CCDC178: variants seen among roughly 807,000 people sequenced by gnomAD.
CCDC178 encodes coiled-coil domain-containing protein 178.
CCDC178 carries 126 observed loss-of-function variants against 117.4 expected under a neutral mutation model. The observed-to-expected ratio is 1.07, with a 90% CI of 0.93 to 1.24. CCDC178 has a LOEUF of 1.24. CCDC178 is among the 50% of genes most tolerant of loss of function. The pLI is 0.00. For missense variants in CCDC178, 1,030 were observed against 986.9 expected, an observed-to-expected ratio of 1.04 and a Z score of -0.59; for synonymous variants, 283 against 313.4, an observed-to-expected ratio of 0.90 and a Z score of 1.02.
At chr18:33,404,236 C>T (rs556481156) in intron 3 of CCDC178, among the ~76,000 whole-genome samples, 1 of 152,130 alleles carries the variant, frequency 6.6e-6, no homozygotes, top group African/African-American at 2.4e-5. Context: ...TCAACTTTAA[C>T]AAATACACAA....
chr18:33,053,596 C>T (rs1031235410), intron 21 of CCDC178, among the ~76,000 whole-genome samples: 41 of 152,216 alleles, frequency 2.7e-4, no homozygotes, highest in African/African-American at 9.4e-4. Flanking sequence ...ATTCAAACAA[C>T]ATTTACTGAT....
At chr18:33,034,268 T>C (rs1179863878) in intron 21 of CCDC178, among the ~76,000 whole-genome samples, 3 of 152,004 alleles carry the variant, frequency 2.0e-5, no homozygotes, top group Non-Finnish European at 2.9e-5. Flanking sequence ...ATTGCAAATC[T>C]TCCAAACAGA....
chr18:33,184,723 G>T (rs271446), intron 20 of CCDC178, among the ~76,000 whole-genome samples: 24,477 of 151,828 alleles, frequency 0.16, 2,750 homozygotes, highest in African/African-American at 0.32. Context: ...ATTTCCTTTA[G>T]TGATGAACTA....
intron 8 of CCDC178, among the ~76,000 whole-genome samples, chr18:33,347,161 A>G (rs767544140): frequency 1.5e-4 from 23 of 152,200 alleles, no homozygotes; most frequent in Middle Eastern, 3.2e-3. Context: ...ACTGATGCCT[A>G]TAAACACTGA....
At chr18:33,268,330 C>G (rs1328716632) in intron 12 of CCDC178, among the ~76,000 whole-genome samples, 2 of 151,788 alleles carry the variant, frequency 1.3e-5, no homozygotes, top group African/African-American at 4.8e-5. Context: ...AAATCTGAAT[C>G]AATATTTTCA....
chr18:33,217,242 G>C (rs1488471722), intron 18 of CCDC178, among the ~76,000 whole-genome samples: 12 of 151,930 alleles, frequency 7.9e-5, no homozygotes. Flanking sequence ...TTTGTAGAGA[G>C]ACTCATAAAG....
chr18:33,316,917 T>C (rs962560533), intron 11 of CCDC178, among the ~76,000 whole-genome samples: 3 of 151,974 alleles, frequency 2.0e-5, no homozygotes, highest in Admixed American at 1.3e-4. Context: ...AGTGGGGACA[T>C]GGAGAACTTT....
intron 21 of CCDC178, among the ~76,000 whole-genome samples, chr18:33,005,660 T>C (rs1265563077): frequency 6.6e-6 from 1 of 152,074 alleles, no homozygotes. Flanking sequence ...AGGTAATGGA[T>C]ACCTAATTTA....
intron 14 of CCDC178, among the ~76,000 whole-genome samples, chr18:33,261,895 G>A (rs1163943006): frequency 6.6e-6 from 1 of 151,830 alleles, no homozygotes. Context: ...AATCACATTT[G>A]GTACTCTCTT....
At chr18:33,411,503 C>T (rs2144896730) in intron 3 of CCDC178, among the ~76,000 whole-genome samples, 1 of 151,830 alleles carries the variant, frequency 6.6e-6, no homozygotes, top group African/African-American at 2.4e-5. Context: ...TATGACATTG[C>T]TAACATGATA....
At chr18:33,338,770 A>T (rs1234157511) in intron 9 of CCDC178, among the ~76,000 whole-genome samples, 1 of 152,108 alleles carries the variant, frequency 6.6e-6, no homozygotes, top group Non-Finnish European at 1.5e-5. Context: ...GGCAAGGGGT[A>T]AAAGACTACA....
chr18:33,247,664 T>C (rs1435520181), intron 14 of CCDC178, among the ~76,000 whole-genome samples: 1 of 151,884 alleles, frequency 6.6e-6, no homozygotes, highest in Admixed American at 6.6e-5. Context: ...GGTACTTATG[T>C]TTGTGTACAC....
chr18:33,006,315 G>A (rs932947631), intron 21 of CCDC178, among the ~76,000 whole-genome samples: 38 of 152,176 alleles, frequency 2.5e-4, no homozygotes, highest in African/African-American at 8.9e-4. Context: ...ATCAGTTGGA[G>A]AGGAATGTAC....
intron 21 of CCDC178, among the ~76,000 whole-genome samples, chr18:33,035,957 T>G (rs2056436661): frequency 6.6e-6 from 1 of 152,008 alleles, no homozygotes; most frequent in Non-Finnish European, 1.5e-5. Context: ...GAAGTACATT[T>G]TATAGTAGCA....
chr18:33,431,434 A>AT (rs1169571178), intron 2 of CCDC178, among the ~76,000 whole-genome samples: 2 of 152,112 alleles, frequency 1.3e-5, no homozygotes, highest in Non-Finnish European at 2.9e-5. Context: ...GGCTATTCAC[A>AT]TCTGGTTATT....
intron 20 of CCDC178, among the ~76,000 whole-genome samples, chr18:33,169,737 G>GA (rs1327336053): frequency 6.6e-6 from 1 of 152,020 alleles, no homozygotes; most frequent in Non-Finnish European, 1.5e-5. Flanking sequence ...TTAGAATAGT[G>GA]AAAAAAATGC....
intron 11 of CCDC178, among the ~76,000 whole-genome samples, chr18:33,293,898 A>G (rs1003823664): frequency 2.6e-5 from 4 of 152,146 alleles, no homozygotes; most frequent in African/African-American, 9.7e-5. Context: ...TTTGAATCTG[A>G]TTTCAGGTAA....
chr18:33,292,796 G>A (rs183408380), intron 12 of CCDC178, among the ~76,000 whole-genome samples: 198 of 152,010 alleles, frequency 1.3e-3, no homozygotes, highest in African/African-American at 4.6e-3. Context: ...CATTTTATAG[G>A]GGGTCTAGTG....
chr18:33,204,417 T>A (rs933307209), intron 20 of CCDC178, among the ~76,000 whole-genome samples: 3 of 152,134 alleles, frequency 2.0e-5, no homozygotes, highest in African/African-American at 7.2e-5. Context: ...ATCTGTAGTT[T>A]TTGAAAAGAA....
Sources: allele counts gnomAD v4.1 joint callset (sites outside exome capture counted in the v4.1 genomes callset), GRCh38; gene constraint gnomAD v4.1.1; transcripts MANE v1.5; gene names NCBI Gene and HGNC (gene_info 2026-07-23, HGNC 2026-07-21).